RYR2: variants seen among roughly 807,000 people sequenced by gnomAD.
RYR2 encodes the protein ryanodine receptor 2.
In RYR2, 227 loss-of-function variants were observed where a neutral mutation model predicts 601.1. The ratio of observed to expected loss-of-function variants is 0.38; its 90% CI spans 0.34 to 0.42. The LOEUF (loss-of-function observed/expected upper bound fraction) is 0.42. RYR2 is among the 10% of genes least tolerant of loss of function. RYR2 has a pLI of 1.00. For missense variants in RYR2, 4,646 were observed against 6,156.5 expected (o/e 0.75, Z 8.21); for synonymous variants, 2,223 against 2,175.1 (o/e 1.02, Z -0.61).
chr1:237,467,579 T>C (rs1375280817), intron 16 of RYR2, among the ~76,000 whole-genome samples: 1 of 152,148 alleles, frequency 6.6e-6, no homozygotes, highest in Non-Finnish European at 1.5e-5. Context: ...GTGTATTAGC[T>C]CTTAATCTCT....
intron 1 of RYR2, among the ~76,000 whole-genome samples, chr1:237,162,999 T>C (rs1676209792): frequency 6.6e-6 from 1 of 152,218 alleles, no homozygotes; most frequent in Admixed American, 6.5e-5. Context: ...TCCATCTGCT[T>C]ATCCAGTGCT....
At chr1:237,778,553 G>A (rs1230605573) in intron 87 of RYR2, 113 bp from the exon 88 acceptor site, 8 of 497,296 alleles carry the variant, frequency 1.6e-5, no homozygotes, top group Middle Eastern at 2.9e-4. Flanking sequence ...TTCAGATAAC[G>A]TGCTAGCAGT....
chr1:237,603,296 A>G, intron 35 of RYR2, among the ~76,000 whole-genome samples: 1 of 152,152 alleles, frequency 6.6e-6, no homozygotes, highest in East Asian at 1.9e-4. Flanking sequence ...CACGGTGAAG[A>G]GCCATGAGAA....
In RYR2 at chr1:237,445,508, C is replaced by G; in HGVS notation, c.1278C>G (p.Phe426Leu). Residue 426 changes from phenylalanine to leucine, a missense_variant, in exon 14 of 105, where the codon TTC (phenylalanine) becomes TTG (leucine). Coordinates refer to ENST00000366574, the MANE Select transcript of RYR2 (RefSeq NM_001035.3). The part of the protein sequence containing the change: ...ARVIRSTVFL[F>L]NRFIRGLDAL... ...TTATCCGGAGCACAGTCTTCCTTTT[C>G]AATAGATTTATAAGGTACTTTTTCT... The G allele has an allele frequency of 6.2e-7, 1 of 1,613,530 alleles. No homozygotes were observed. Among genetic ancestry groups the G allele is most frequent in the Non-Finnish European group, 8.5e-7 (1 of 1,179,600 alleles).
chr1:237,785,023 A>T (rs773081810), intron 90 of RYR2, 51 bp downstream of exon 90: 2 of 1,269,422 alleles, frequency 1.6e-6, no homozygotes, highest in Non-Finnish European at 2.2e-6. Context: ...TCAGGTGGGT[A>T]TAATAAATGA....
Position 237,267,388 on chromosome 1 carries a change from C to T in RYR2, c.49-3109C>T, listed in dbSNP as rs370808575. Reference sequence around the variant, plus strand: ...ACAAAAAATGAGCAGGGCATGGTAGCGCTTGCCTATAGTCCCAGCTACTTG... The same window carrying T: ...ACAAAAAATGAGCAGGGCATGGTAGTGCTTGCCTATAGTCCCAGCTACTTG... On this transcript the variant is annotated intron_variant, in intron 1 of 104. Coordinates refer to ENST00000366574, the MANE Select transcript of RYR2 (RefSeq NM_001035.3). 9.2e-5 allele frequency among the ~76,000 whole-genome samples: 14 copies of T among 152,172 alleles called. No individual in the cohort carries two copies. In the South Asian group the frequency reaches 1.0e-3, roughly 11 times the overall value.
chr1:237,697,284 AC>A (rs1431355826), intron 63 of RYR2, among the ~76,000 whole-genome samples: 1 of 149,026 alleles, frequency 6.7e-6, no homozygotes, highest in Non-Finnish European at 1.5e-5. Context: ...ACTCATGAGC[AC>A]TATCCCTGTT....
chr1:237,309,692 C>T (rs959626198), intron 2 of RYR2, among the ~76,000 whole-genome samples: 2 of 152,166 alleles, frequency 1.3e-5, no homozygotes, highest in African/African-American at 2.4e-5. Flanking sequence ...CGGCGCTTGT[C>T]GGGGAGGCTC....
intron 41 of RYR2, 123 bp from the exon 42 acceptor site, chr1:237,631,304 A>T: frequency 1.6e-6 from 1 of 644,994 alleles, no homozygotes; most frequent in South Asian, 2.1e-5. Context: ...TGGCTTATTA[A>T]ATACTGTGAT....
intron 84 of RYR2, among the ~76,000 whole-genome samples, chr1:237,762,406 T>A (rs1244164061): frequency 6.6e-6 from 1 of 152,198 alleles, no homozygotes. Context: ...GCTATAAAAT[T>A]TCTAAAAATG....
At chr1:237,747,829 T>C (rs1468560158) in intron 80 of RYR2, among the ~76,000 whole-genome samples, 1 of 152,168 alleles carries the variant, frequency 6.6e-6, no homozygotes, top group Non-Finnish European at 1.5e-5. Context: ...ATTCCTTATA[T>C]CAAGAAAATT....
chr1:237,797,249 A>C (rs1573993705), intron 96 of RYR2, among the ~76,000 whole-genome samples: 1 of 152,292 alleles, frequency 6.6e-6, no homozygotes, highest in East Asian at 1.9e-4. Flanking sequence ...CAGATGGGAC[A>C]GAAGAGAAAT....
At chr1:237,141,232 C>T (rs1310310443) in intron 1 of RYR2, among the ~76,000 whole-genome samples, 3 of 152,146 alleles carry the variant, frequency 2.0e-5, no homozygotes, top group South Asian at 2.1e-4. Context: ...ATGTCTCCTT[C>T]CTGACTTCAA....
intron 27 of RYR2, among the ~76,000 whole-genome samples, chr1:237,564,322 G>A (rs1930313): frequency 0.53 from 79,875 of 151,946 alleles, 23,050 homozygotes; most frequent in Admixed American, 0.66. Context: ...CCAGGCTAGA[G>A]TGTAGTGGCA....
At chr1:237,762,735 C>A (rs1241866992) in intron 84 of RYR2, among the ~76,000 whole-genome samples, 2 of 152,186 alleles carry the variant, frequency 1.3e-5, no homozygotes, top group Non-Finnish European at 2.9e-5. Flanking sequence ...CTTGTGCATT[C>A]TTTTTCAACA....
intron 1 of RYR2, among the ~76,000 whole-genome samples, chr1:237,136,826 G>C (rs1276264040): frequency 6.6e-6 from 1 of 151,978 alleles, no homozygotes; most frequent in Non-Finnish European, 1.5e-5. Context: ...GACCAGCCTG[G>C]CCAACATGGT....
intron 3 of RYR2, among the ~76,000 whole-genome samples, chr1:237,348,888 T>A (rs181057833): frequency 1.3e-5 from 2 of 152,268 alleles, no homozygotes; most frequent in East Asian, 3.9e-4. Context: ...CTCAGAAGAT[T>A]AGTTTAACAG....
chr1:237,240,068 A>G (rs1256047767), intron 1 of RYR2, among the ~76,000 whole-genome samples: 1 of 152,216 alleles, frequency 6.6e-6, no homozygotes, highest in Non-Finnish European at 1.5e-5. Context: ...ACATTCGTTT[A>G]CCATATATAG....
At chr1:237,079,655 C>T (rs950201195) in intron 1 of RYR2, among the ~76,000 whole-genome samples, 34 of 107,164 alleles carry the variant, frequency 3.2e-4, no homozygotes, top group Non-Finnish European at 5.1e-4. Flanking sequence ...AAGAACATTC[C>T]ATGCTCATGG....
Sources: gnomAD v4.1 joint callset for allele counts (sites outside exome capture counted in the v4.1 genomes callset) on GRCh38, gnomAD v4.1.1 for gene constraint, MANE v1.5 for transcripts, NCBI Gene and HGNC (gene_info 2026-07-23, HGNC 2026-07-21) for gene names.